Variants in COL4A1 observed in about 807,000 individuals in gnomAD.
The protein encoded by COL4A1 is collagen type IV alpha 1 chain.
A neutral mutation model predicts 216.6 loss-of-function variants in COL4A1; 40 were observed. The ratio of observed to expected loss-of-function variants is 0.18; its 90% CI spans 0.14 to 0.24. The LOEUF (loss-of-function observed/expected upper bound fraction) is 0.24. COL4A1 is among the 10% of genes least tolerant of loss of function. COL4A1 has a pLI of 1.00. For synonymous variants in COL4A1, 839 were observed against 810.7 expected (o/e 1.03, Z -0.59); for missense variants, 1,628 against 2,196.8 (o/e 0.74, Z 5.18).
intron 26 of COL4A1, among the ~76,000 whole-genome samples, chr13:110,183,515 C>G (rs1217355675): frequency 1.3e-5 from 2 of 152,190 alleles, no homozygotes; most frequent in South Asian, 4.1e-4. Context: ...GTTTGTTGGA[C>G]ACAAGAATCC....
intron 51 of COL4A1, 71 bp from the exon 52 acceptor site, chr13:110,150,515 C>T: frequency 6.8e-7 from 1 of 1,471,634 alleles, no homozygotes; most frequent in Non-Finnish European, 9.4e-7. Flanking sequence ...CACTCCTGCC[C>T]TGCTCGGAAA....
intron 11 of COL4A1, 96 bp from the exon 12 acceptor site, chr13:110,208,986 T>A: frequency 8.1e-7 from 1 of 1,241,658 alleles, no homozygotes; most frequent in South Asian, 1.2e-5. Flanking sequence ...GATGGTAGAT[T>A]TCAGGCAATA....
At chr13:110,258,375 T>TA (rs796792272) in intron 1 of COL4A1, among the ~76,000 whole-genome samples, 3 of 151,908 alleles carry the variant, frequency 2.0e-5, no homozygotes, top group African/African-American at 4.8e-5. Context: ...CCATCTCTAC[T>TA]AAAAAAATAC....
chr13:110,231,521 C>T lies in COL4A1; in HGVS notation c.144+11154G>A, dbSNP rs79970706. 5.9e-3 allele frequency among the ~76,000 whole-genome samples: 900 copies of T among 152,312 alleles called. 8 individuals are homozygous for T. The highest frequency in any genetic ancestry group is 0.02 in the African/African-American group (837 of 41,566). The stretch of plus-strand genomic sequence containing the variant: ...TTTCTTCCCATTGGACATCCATTCT[C>T]GCAGCCGTGCCTTCTCCCTCCCTGG... On this transcript the variant is annotated intron_variant, in intron 2 of 51. Coordinates refer to ENST00000375820, the MANE Select transcript of COL4A1 (RefSeq NM_001845.6).
chr13:110,219,830 ATGTATG>A (rs1218409383), intron 2 of COL4A1, among the ~76,000 whole-genome samples: 7 of 94,122 alleles, frequency 7.4e-5, no homozygotes, highest in Admixed American at 3.5e-4. Context: ...ATATATATGT[ATGTATG>A]TATATATGTG....
intron 24 of COL4A1, among the ~76,000 whole-genome samples, chr13:110,190,403 G>A (rs1266853903): frequency 2.0e-5 from 3 of 152,166 alleles, no homozygotes; most frequent in Admixed American, 6.5e-5. Flanking sequence ...GGGAGTGTTG[G>A]TTTCAATTCA....
chr13:110,175,460 T>C, intron 36 of COL4A1, 103 bp from the exon 37 acceptor site: 1 of 1,552,478 alleles, frequency 6.4e-7, no homozygotes, highest in Non-Finnish European at 8.7e-7. Context: ...TACAAGAACG[T>C]GAATCCCCCA....
Position 110,195,115 on chromosome 13 carries a change from C to A in COL4A1, c.1289G>T (p.Gly430Val). ...AGGTCCGGGCTGACATTCCACAATT[C>A]CATCTGAAATTGAGTTGTCAGAGTT... is the stretch of plus-strand genomic sequence containing the variant. ...GPPGQPGYTN[G>V]IVECQPGPPG... is the part of the protein sequence containing the mutation. The change falls in exon 22 of 52, where the codon GGA becomes GTA. Residue 430 changes from glycine to valine, a missense_variant. Gly to Val is a moderately radical substitution (Grantham distance 109, BLOSUM62 -3). Transcript: ENST00000375820. 6.2e-7 allele frequency: 1 copy of A among 1,613,700 alleles called. No individual in the cohort carries two copies. Among genetic ancestry groups the A allele is most frequent in the Non-Finnish European group, 8.5e-7 (1 of 1,179,612 alleles).
chr13:110,205,268 G>C, intron 17 of COL4A1, 85 bp downstream of exon 17: 1 of 1,514,132 alleles, frequency 6.6e-7, no homozygotes, highest in Non-Finnish European at 9.2e-7. Context: ...TGAGTACAGA[G>C]TCCTTTATTC....
intron 41 of COL4A1, among the ~76,000 whole-genome samples, chr13:110,171,275 G>T (rs1345943268): frequency 2.6e-5 from 4 of 152,132 alleles, no homozygotes; most frequent in African/African-American, 4.8e-5. Flanking sequence ...TAACCTAGAG[G>T]ACCAGAAGGC....
intron 41 of COL4A1, 62 bp from the exon 42 acceptor site, chr13:110,170,794 G>A (rs1304398439): frequency 3.2e-5 from 50 of 1,572,610 alleles, no homozygotes; most frequent in South Asian, 3.0e-4. Flanking sequence ...AATCTCCAGC[G>A]TGGACGGCAG....
In COL4A1 at chr13:110,211,858, C is replaced by T; in HGVS notation, c.441+11G>A. On this transcript the variant is annotated intron_variant, in intron 7 of 51. Coordinates refer to ENST00000375820, the MANE Select transcript of COL4A1 (RefSeq NM_001845.6). This position sits in a 1 kb window ranked among gnomAD's most constrained non-coding sequence, Gnocchi z 4.3. ...AAGAAAGAAGTTCTGCCCTAAATAA[C>T]CTCTACTCACGGGATTTCCAGCGAA... 1 of 1,613,974 alleles carries T rather than the reference C, an allele frequency of 6.2e-7. No homozygotes were observed. The highest frequency in any genetic ancestry group is 8.5e-7 in the Non-Finnish European group (1 of 1,179,938).
At chr13:110,196,065 G>A (rs774782579) in intron 21 of COL4A1, among the ~76,000 whole-genome samples, 9 of 152,232 alleles carry the variant, frequency 5.9e-5, no homozygotes, top group Admixed American at 6.5e-5. Flanking sequence ...GCTAGAACCA[G>A]AATGCCTAAA....
intron 1 of COL4A1, among the ~76,000 whole-genome samples, chr13:110,285,972 A>G (rs1381165945): frequency 1.3e-5 from 2 of 152,098 alleles, no homozygotes; most frequent in African/African-American, 4.8e-5. Flanking sequence ...CCTTGGTTAG[A>G]CCCTCTGGAA....
chr13:110,201,756 G>C (rs1164657192), intron 18 of COL4A1: 2 of 673,386 alleles, frequency 3.0e-6, no homozygotes, highest in Non-Finnish European at 5.5e-6. Context: ...GGCTGAGGCA[G>C]GTGGATCACA....
At chr13:110,298,419 A>G (rs886113063) in intron 1 of COL4A1, among the ~76,000 whole-genome samples, 2 of 152,222 alleles carry the variant, frequency 1.3e-5, no homozygotes, top group Non-Finnish European at 2.9e-5. Context: ...TTTTCCAGTT[A>G]ATATTATTGA....
At chr13:110,237,776 G>T (rs150688418) in intron 2 of COL4A1, among the ~76,000 whole-genome samples, 4 of 152,326 alleles carry the variant, frequency 2.6e-5, no homozygotes, top group Admixed American at 2.6e-4. Flanking sequence ...AGAGAGACAG[G>T]TTTATACAAA....
chr13:110,269,073 T>C (rs1410822268), intron 1 of COL4A1, among the ~76,000 whole-genome samples: 1 of 152,216 alleles, frequency 6.6e-6, no homozygotes, highest in Non-Finnish European at 1.5e-5. Flanking sequence ...GCCAGCTGTA[T>C]TGACAGCATG....
intron 50 of COL4A1, among the ~76,000 whole-genome samples, chr13:110,155,067 G>A (rs900352434): frequency 2.0e-5 from 3 of 152,236 alleles, no homozygotes; most frequent in African/African-American, 7.2e-5. Flanking sequence ...CTGTGAGCAG[G>A]GGAGGGTTCT....
Sources: allele counts gnomAD v4.1 joint callset (sites outside exome capture counted in the v4.1 genomes callset), GRCh38; gene constraint gnomAD v4.1.1; non-coding constraint Gnocchi (gnomAD v3.1); transcripts MANE v1.5; gene names NCBI Gene and HGNC (gene_info 2026-07-23, HGNC 2026-07-21).